MACROH2A2: variants seen among roughly 807,000 people sequenced by gnomAD.
MACROH2A2 encodes core histone macro-H2A.2.
MACROH2A2 carries 6 observed loss-of-function variants against 37.6 expected under a neutral mutation model. The ratio of observed to expected loss-of-function variants is 0.16; its 90% confidence interval spans 0.09 to 0.32. The LOEUF (loss-of-function observed/expected upper bound fraction) is 0.32. MACROH2A2 is among the 10% of genes least tolerant of loss of function. MACROH2A2 has a pLI of 1.00. For missense variants in MACROH2A2, 290 were observed against 485.9 expected, an observed-to-expected ratio of 0.60 and a Z score of 3.79; for synonymous variants, 192 against 202.7, an observed-to-expected ratio of 0.95 and a Z score of 0.45.
chr10:70,085,189 G>C (rs1430198366), intron 2 of MACROH2A2, among the ~76,000 whole-genome samples: 1 of 151,992 alleles, frequency 6.6e-6, no homozygotes, highest in Non-Finnish European at 1.5e-5. Context: ...TGTGTGGATG[G>C]AGATACCAGT....
intron 2 of MACROH2A2, among the ~76,000 whole-genome samples, chr10:70,087,302 C>T (rs1428440366): frequency 4.0e-5 from 6 of 151,170 alleles, no homozygotes; most frequent in Non-Finnish European, 7.4e-5. Flanking sequence ...GGCCCAGTCT[C>T]GGCTCACTGC....
chr10:70,090,938 C>T (rs1003900252), intron 3 of MACROH2A2, among the ~76,000 whole-genome samples: 6 of 152,174 alleles, frequency 3.9e-5, no homozygotes, highest in Non-Finnish European at 7.3e-5. Flanking sequence ...GTGTTGGTTT[C>T]GAATCTGCAG....
At chr10:70,104,590 A>G (rs571734976) in intron 7 of MACROH2A2, among the ~76,000 whole-genome samples, 3 of 152,212 alleles carry the variant, frequency 2.0e-5, no homozygotes, top group Admixed American at 2.0e-4. Context: ...CAGGAGAATC[A>G]CTTGAACCCA....
chr10:70,088,077 T>C (rs1268796703), intron 2 of MACROH2A2, among the ~76,000 whole-genome samples: 1 of 152,154 alleles, frequency 6.6e-6, no homozygotes, highest in Admixed American at 6.6e-5. Flanking sequence ...ATTTGTGCCA[T>C]TGTATCAGCA....
chr10:70,102,929 G>A (rs578256573), intron 7 of MACROH2A2, among the ~76,000 whole-genome samples: 1 of 148,792 alleles, frequency 6.7e-6, no homozygotes, highest in Non-Finnish European at 1.5e-5. Flanking sequence ...GCACCTGCAG[G>A]ATGCTGCCGC....
At chr10:70,077,687 C>T (rs1441486806) in intron 2 of MACROH2A2, among the ~76,000 whole-genome samples, 4 of 152,178 alleles carry the variant, frequency 2.6e-5, no homozygotes, top group Non-Finnish European at 5.9e-5. Context: ...CTAGCTAACA[C>T]GGTGAAACCC....
At position 70,111,703 on chromosome 10, in the gene MACROH2A2, G is replaced by A. The variant is rs1382874911; in HGVS notation, c.*20G>A. On this transcript the variant is annotated 3_prime_UTR_variant, in exon 9 of 9. Coordinates refer to ENST00000373255, the MANE Select transcript of MACROH2A2 (RefSeq NM_018649.3). The stretch of plus-strand genomic sequence containing the variant: ...AAGTAGCCGCCGCACTTTCCAGCAG[G>A]GATCGGAGGACGACCCGAGTCCCAA... 1.9e-6 allele frequency: 3 copies of A among 1,568,452 alleles called. No individual in the cohort carries two copies. The highest frequency in any genetic ancestry group is 3.6e-5 in the Admixed American group (2 of 56,240).
At chr10:70,080,006 G>T (rs548228471) in intron 2 of MACROH2A2, among the ~76,000 whole-genome samples, 1 of 152,198 alleles carries the variant, frequency 6.6e-6, no homozygotes, top group East Asian at 1.9e-4. Flanking sequence ...CCAGCTGGAC[G>T]TGGTGGCTCA....
intron 1 of MACROH2A2, among the ~76,000 whole-genome samples, chr10:70,055,551 A>G (rs2072010448): frequency 6.6e-6 from 1 of 152,056 alleles, no homozygotes; most frequent in South Asian, 2.1e-4. Context: ...AAGAAATGAA[A>G]TATAAGGAAG....
rs1455508689 is a variant in MACROH2A2, at chr10:70,107,578, C to T, written c.779-1455C>T. Among the ~76,000 whole-genome samples, 3 of 152,190 alleles carry T rather than the reference C, an allele frequency of 2.0e-5. No homozygotes were observed. Among genetic ancestry groups the T allele is most frequent in the Non-Finnish European group, 4.4e-5 (3 of 68,030 alleles). ...GCTCCCCTGGGGAGTCCCACAGGGA[C>T]TTCCCTCGAGCTTAGCAGCCACGGG... On this transcript the variant is annotated intron_variant, in intron 7 of 8. Coordinates refer to ENST00000373255, the MANE Select transcript of MACROH2A2 (RefSeq NM_018649.3). This position sits in a 1 kb window ranked among gnomAD's most constrained non-coding sequence, Gnocchi z 4.4.
chr10:70,105,599 G>A (rs554924312), intron 7 of MACROH2A2, among the ~76,000 whole-genome samples: 2 of 152,282 alleles, frequency 1.3e-5, no homozygotes, highest in South Asian at 4.1e-4. Context: ...TAAGGCCAGG[G>A]GGCAATCAGG....
intron 2 of MACROH2A2, among the ~76,000 whole-genome samples, chr10:70,078,330 AG>A: frequency 6.6e-6 from 1 of 152,346 alleles, no homozygotes; most frequent in Middle Eastern, 3.4e-3. Flanking sequence ...CCATTGCCAA[AG>A]TCCTCCTGCC....
intron 1 of MACROH2A2, among the ~76,000 whole-genome samples, chr10:70,054,136 C>T (rs1382273913): frequency 6.6e-6 from 1 of 152,268 alleles, no homozygotes; most frequent in African/African-American, 2.4e-5. Flanking sequence ...AAACGAGCTT[C>T]CTCCAGGAGT....
intron 2 of MACROH2A2, among the ~76,000 whole-genome samples, chr10:70,077,545 C>T (rs1405895553): frequency 6.6e-6 from 1 of 152,050 alleles, no homozygotes; most frequent in Non-Finnish European, 1.5e-5. Context: ...CACACCACTG[C>T]ACTCCAGCCT....
At chr10:70,066,513 A>G (rs1006396314) in intron 1 of MACROH2A2, among the ~76,000 whole-genome samples, 4 of 152,116 alleles carry the variant, frequency 2.6e-5, no homozygotes, top group African/African-American at 9.7e-5. Context: ...TCCCATTCCA[A>G]ACTGGAGCTG....
At chr10:70,097,479 C>G (rs1235064337) in intron 6 of MACROH2A2, among the ~76,000 whole-genome samples, 1 of 152,142 alleles carries the variant, frequency 6.6e-6, no homozygotes, top group Non-Finnish European at 1.5e-5. Context: ...AACTAATCAT[C>G]CCAGCAGCCA....
At chr10:70,081,068 CAAAAAAAAAAAAAAA>C (rs34688764) in intron 2 of MACROH2A2, among the ~76,000 whole-genome samples, 1 of 45,842 alleles carries the variant, frequency 2.2e-5, no homozygotes, top group African/African-American at 8.8e-5. Context: ...CCCTGTCTCT[CAAAAAAAAAAAAAAA>C]AAAAAAAAAG....
At chr10:70,095,847 C>T (rs1589838918) in intron 6 of MACROH2A2, 94 bp downstream of exon 6, 2 of 671,862 alleles carry the variant, frequency 3.0e-6, no homozygotes, top group Admixed American at 2.4e-5. Flanking sequence ...GGCTGTCCCT[C>T]CGCTGGGGTC....
intron 5 of MACROH2A2, 50 bp from the exon 6 acceptor site, chr10:70,095,604 C>T: frequency 1.1e-6 from 1 of 883,362 alleles, no homozygotes; most frequent in South Asian, 1.4e-5. Flanking sequence ...TGAGATTTTT[C>T]AACAGAATTT....
Sources: allele counts gnomAD v4.1 joint callset (sites outside exome capture counted in the v4.1 genomes callset), GRCh38; gene constraint gnomAD v4.1.1; non-coding constraint Gnocchi (gnomAD v3.1); transcripts MANE v1.5; gene names NCBI Gene and HGNC (gene_info 2026-07-23, HGNC 2026-07-21).